The following FGF8 variants were observed in gnomAD, a reference collection of about 807,000 sequenced individuals.
FGF8 encodes the protein androgen-induced growth factor.
Under a neutral mutation model 29.7 loss-of-function variants are expected in FGF8, and 12 were observed. The observed-to-expected ratio is 0.40, with a 90% confidence interval of 0.26 to 0.65. The LOEUF (loss-of-function observed/expected upper bound fraction) is 0.65, where lower values mean the gene tolerates loss of function less well. Ranked by LOEUF, FGF8 falls within the 30% of genes least tolerant of loss-of-function variation. The pLI, the probability that FGF8 is intolerant of heterozygous loss-of-function variation, is 0.37. For missense variants in FGF8, 271 were observed against 345.1 expected, an observed-to-expected ratio of 0.79 and a Z score of 1.70; for synonymous variants, 157 against 144.4, an observed-to-expected ratio of 1.09 and a Z score of -0.63.
chr10:101,770,217 C>G lies in FGF8; in HGVS notation c.*112G>C. ...CAACAACCGGAACCCAGGGCTCCCCCAGCACCTCCCCAGCCTGCAGAGCAG... is the reference window on the plus strand; with the variant it reads ...CAACAACCGGAACCCAGGGCTCCCCGAGCACCTCCCCAGCCTGCAGAGCAG... On this transcript the variant is annotated 3_prime_UTR_variant, in exon 6 of 6. Transcript: ENST00000320185. 9.4e-7 allele frequency: 1 copy of G among 1,068,540 alleles called. No homozygotes were observed. Among genetic ancestry groups the G allele is most frequent in the Non-Finnish European group, 1.3e-6 (1 of 762,864 alleles). The allele number at this position is 1,068,540 out of a possible 1,614,324, so 66.2% of individuals were successfully genotyped here.
Position 101,775,105 on chromosome 10 carries a change from A to T in FGF8, c.156+25T>A, listed in dbSNP as rs1487855609. 1.3e-6 allele frequency: 2 copies of T among 1,541,870 alleles called. No individual in the cohort carries two copies. Among genetic ancestry groups the T allele is most frequent in the Non-Finnish European group, 1.8e-6 (2 of 1,141,174 alleles). On this transcript the variant is annotated intron_variant, in intron 3 of 5. Transcript: ENST00000320185. The surrounding 1 kb of genome is among the most constrained non-coding windows in gnomAD (Gnocchi z 4.6). ...GGGCAGACCCAGCCCAGGATGAACG[A>T]GCCCCAGGGAGAAGCTGGACCCACC...
In FGF8 at chr10:101,770,287, G is replaced by A. The variant is rs2064999189; in HGVS notation, c.*42C>T. 2.0e-6 allele frequency: 3 copies of A among 1,538,114 alleles called. No homozygotes were observed. Among genetic ancestry groups the A allele is most frequent in the Non-Finnish European group, 1.8e-6 (2 of 1,138,776 alleles). Reference sequence around the variant, plus strand: ...GAGTTTTGGGTGCCCTACAGGATGAGCCTCTCTGCGGTCTGGCATTGTGGG... The same window carrying A: ...GAGTTTTGGGTGCCCTACAGGATGAACCTCTCTGCGGTCTGGCATTGTGGG... On this transcript the variant is annotated 3_prime_UTR_variant, in exon 6 of 6. Transcript: ENST00000320185.
intron 4 of FGF8, among the ~76,000 whole-genome samples, chr10:101,773,839 T>G (rs1358917037): frequency 6.6e-6 from 1 of 152,222 alleles, no homozygotes; most frequent in African/African-American, 2.4e-5. Flanking sequence ...TTTACAGACT[T>G]GCAACTCCTT....
chr10:101,776,209 C>A (rs1322094196), upstream of FGF8: 4 of 56,332 alleles, frequency 7.1e-5, no homozygotes, highest in Non-Finnish European at 1.0e-4. Flanking sequence ...GGCGCCGCAC[C>A]GGGCGCGAGG....
rs2065078116 is a variant in FGF8 at position 101,775,613 on chromosome 10, G to C, written c.69+127C>G. The C allele has an allele frequency of 9.1e-7, 1 of 1,103,610 alleles. No individual in the cohort carries two copies. Among genetic ancestry groups the C allele is most frequent in the Admixed American group, 2.3e-5 (1 of 43,048 alleles). The allele number at this position is 1,103,610 out of a possible 1,614,324, so 68.4% of individuals were successfully genotyped here. ...CCCTCCTCGGGGTGGCTCGGGGCTG[G>C]GTTTCTAAGGTGCCCTCAGCCCTCC... On this transcript the variant is annotated intron_variant, in intron 2 of 5. Coordinates refer to ENST00000320185, the MANE Select transcript of FGF8 (RefSeq NM_033163.5). The surrounding 1 kb of genome is among the most constrained non-coding windows in gnomAD (Gnocchi z 4.6).
upstream of FGF8, among the ~76,000 whole-genome samples, chr10:101,779,613 G>T (rs952606118): frequency 6.6e-6 from 1 of 151,638 alleles, no homozygotes; most frequent in Admixed American, 6.5e-5. This position sits in a 1 kb window ranked among gnomAD's most constrained non-coding sequence, Gnocchi z 5.7. Flanking sequence ...CGCCCACCGG[G>T]AGACCTACCC....
rs1406819228 is a variant in FGF8, at chr10:101,776,080, C to T, written c.-180G>A. ...GTGCTCGCCGCGCCGCACCGAATCG[C>T]TGTGCGCCGCTGCCGGAGCCGGTGG... On this transcript the variant is annotated 5_prime_UTR_variant, in exon 1 of 6. Transcript: ENST00000320185. The T allele has an allele frequency of 4.6e-6, 1 of 217,790 alleles. No individual in the cohort carries two copies. The highest frequency in any genetic ancestry group is 8.3e-6 in the Non-Finnish European group (1 of 120,762). 13.5% of individuals were successfully genotyped at this position (217,790 alleles called of 1,614,324 possible). A position where few individuals can be genotyped will look rare whatever the true frequency, so the allele number is the denominator to read the frequency against.
chr10:101,778,778 C>G (rs1034231237), upstream of FGF8, among the ~76,000 whole-genome samples: 1 of 152,244 alleles, frequency 6.6e-6, no homozygotes, highest in Non-Finnish European at 1.5e-5. Context: ...GCAAATGTCC[C>G]GCCGGGCCCC....
At chr10:101,779,741 G>A (rs1589816394), upstream of FGF8, among the ~76,000 whole-genome samples, 1 of 152,216 alleles carries the variant, frequency 6.6e-6, no homozygotes, top group African/African-American at 2.4e-5. The surrounding 1 kb of genome is among the most constrained non-coding windows in gnomAD (Gnocchi z 5.7). Context: ...CCTCCCAGGA[G>A]AGAGGACTCA....
rs187295133 is a variant in FGF8 at position 101,771,427 on chromosome 10, G to C, written c.444+36C>G. On this transcript the variant is annotated intron_variant, in intron 5 of 5. Transcript: ENST00000320185. This position sits in a 1 kb window ranked among gnomAD's most constrained non-coding sequence, Gnocchi z 5.3. ...TCCAGCCAGCCCAAGCCACTCCCTAGGTCCCGCGGACCCCACCTGCCTGCT... is the reference window on the plus strand; with the variant it reads ...TCCAGCCAGCCCAAGCCACTCCCTACGTCCCGCGGACCCCACCTGCCTGCT... The C allele has an allele frequency of 6.6e-7, 1 of 1,524,342 alleles. No individual in the cohort carries two copies. The highest frequency in any genetic ancestry group is 9.1e-7 in the Non-Finnish European group (1 of 1,098,476). 94.4% of individuals were successfully genotyped at this position (1,524,342 alleles called of 1,614,324 possible). A position where few individuals can be genotyped will look rare whatever the true frequency, so the allele number is the denominator to read the frequency against.
At position 101,771,417 on chromosome 10, in the gene FGF8, C is replaced by A. The variant is rs146599295; in HGVS notation, c.444+46G>T. 2.9e-4 allele frequency: 415 copies of A among 1,455,650 alleles called. 1 individual carries two copies. The East Asian group carries it at 8.9e-3, about 31-fold the overall frequency. The allele number at this position is 1,455,650 out of a possible 1,614,324, so 90.2% of individuals were successfully genotyped here. ...CTTGGAGGAGTCCAGCCAGCCCAAG[C>A]CACTCCCTAGGTCCCGCGGACCCCA... On this transcript the variant is annotated intron_variant, in intron 5 of 5. Coordinates refer to ENST00000320185, the MANE Select transcript of FGF8 (RefSeq NM_033163.5). This position sits in a 1 kb window ranked among gnomAD's most constrained non-coding sequence, Gnocchi z 5.3.
At chr10:101,776,466 G>A (rs1469705885), upstream of FGF8, among the ~76,000 whole-genome samples, 1 of 151,712 alleles carries the variant, frequency 6.6e-6, no homozygotes, top group African/African-American at 2.4e-5. Flanking sequence ...GGATGGGGGC[G>A]CCTAGGGCTG....
At chr10:101,778,828 G>A (rs186462836), upstream of FGF8, among the ~76,000 whole-genome samples, 1 of 151,982 alleles carries the variant, frequency 6.6e-6, no homozygotes, top group Admixed American at 6.5e-5. Flanking sequence ...CCCGCCTCCC[G>A]GCCAGCTCCC....
Position 101,775,206 on chromosome 10 carries a change from C to G in FGF8, c.80G>C (p.Gly27Ala). ...VLCLQAQEGP[G>A]RGPALGRELA... is the part of the protein sequence containing the mutation. ...CTCCCTGCCCAGCGCAGGGCCCCTGCCCGGGCCTTCCTAGAGGAGCAGGGC... is the reference window on the plus strand; with the variant it reads ...CTCCCTGCCCAGCGCAGGGCCCCTGGCCGGGCCTTCCTAGAGGAGCAGGGC... Residue 27 changes from glycine (G) to alanine (A), a missense_variant, in exon 3 of 6, where the codon GGC (glycine) becomes GCC (alanine). Coordinates refer to ENST00000320185, the MANE Select transcript of FGF8 (RefSeq NM_033163.5). The surrounding 1 kb of genome is among the most constrained non-coding windows in gnomAD (Gnocchi z 4.6). The G allele has an allele frequency of 6.5e-7, 1 of 1,547,436 alleles. No homozygotes were observed. The highest frequency in any genetic ancestry group is 8.7e-7 in the Non-Finnish European group (1 of 1,146,470).
At chr10:101,778,824 TC>T (rs1179973816), upstream of FGF8, among the ~76,000 whole-genome samples, 6 of 152,194 alleles carry the variant, frequency 3.9e-5, no homozygotes, top group South Asian at 1.0e-3. Context: ...CTCGCCCGCC[TC>T]CCGGCCAGCT....
rs374898314 is a variant in FGF8 at position 101,773,774 on chromosome 10, C to T, written c.337+958G>A. Among the ~76,000 whole-genome samples, 17 of 152,310 alleles carry T rather than the reference C, an allele frequency of 1.1e-4. No individual in the cohort carries two copies. In the South Asian group the frequency reaches 1.5e-3, roughly 13 times the overall value. On this transcript the variant is annotated intron_variant, in intron 4 of 5. Transcript: ENST00000320185. Reference sequence around the variant, plus strand: ...GAAGAGTTTTAATCGCTCTGCCAGACGCAGGGGTCTCTCCAGAGATTCAGA... The same window carrying T: ...GAAGAGTTTTAATCGCTCTGCCAGATGCAGGGGTCTCTCCAGAGATTCAGA...
chr10:101,776,334 T>C (rs1472759618), upstream of FGF8, among the ~76,000 whole-genome samples: 3 of 143,264 alleles, frequency 2.1e-5, no homozygotes, highest in Non-Finnish European at 4.6e-5. Context: ...GGGTTCGGGA[T>C]TGAGGGTCTG....
chr10:101,770,737 GC>G, intron 5 of FGF8, 118 bp from the exon 6 acceptor site: 2 of 1,125,530 alleles, frequency 1.8e-6, no homozygotes, highest in Non-Finnish European at 2.6e-6. Flanking sequence ...AGGAGCCGCA[GC>G]CCCACCCCCT....
intron 4 of FGF8, among the ~76,000 whole-genome samples, chr10:101,774,347 G>A (rs902093837): frequency 2.0e-5 from 3 of 152,328 alleles, no homozygotes; most frequent in African/African-American, 7.2e-5. Context: ...GGAGAGTTGA[G>A]GGGATTTCTC....
Sources: allele counts gnomAD v4.1 joint callset (sites outside exome capture counted in the v4.1 genomes callset), GRCh38; gene constraint gnomAD v4.1.1; non-coding constraint Gnocchi (gnomAD v3.1); transcripts MANE v1.5; gene names NCBI Gene and HGNC (gene_info 2026-07-23, HGNC 2026-07-21).